The following DCC variants were observed in gnomAD, a reference collection of about 807,000 sequenced individuals.
DCC encodes the protein netrin receptor DCC.
DCC carries 58 observed loss-of-function variants against 172.5 expected under a neutral mutation model. The observed-to-expected ratio is 0.34, with a 90% CI of 0.27 to 0.42. The LOEUF (loss-of-function observed/expected upper bound fraction) is 0.42, where lower values mean the gene tolerates loss of function less well. Among genes scored for constraint, DCC ranks in the 10% least tolerant of loss-of-function variants. DCC has a pLI of 1.00. For missense variants in DCC, 1,740 were observed against 1,791.0 expected, an observed-to-expected ratio of 0.97 and a Z score of 0.51; for synonymous variants, 709 against 644.5, an observed-to-expected ratio of 1.10 and a Z score of -1.52.
At chr18:53,079,152 C>T (rs1471960088) in intron 7 of DCC, among the ~76,000 whole-genome samples, 1 of 152,102 alleles carries the variant, frequency 6.6e-6, no homozygotes, top group East Asian at 1.9e-4. Context: ...TAGCTTATTT[C>T]ATATTCCTCC....
At chr18:52,614,687 G>T (rs1177032462) in intron 1 of DCC, among the ~76,000 whole-genome samples, 5 of 152,024 alleles carry the variant, frequency 3.3e-5, no homozygotes, top group Non-Finnish European at 7.4e-5. Flanking sequence ...CATTTTCCCT[G>T]TCAATAATAA....
At chr18:53,385,527 G>T (rs754290854) in intron 15 of DCC, among the ~76,000 whole-genome samples, 12 of 152,114 alleles carry the variant, frequency 7.9e-5, no homozygotes, top group Non-Finnish European at 1.6e-4. Flanking sequence ...TTCACAGGAG[G>T]TTGTCCCCAG....
Position 53,253,568 on chromosome 18 carries a change from A to G in DCC, c.1911+37971A>G, listed in dbSNP as rs181551872. ...AGACCAGTTTGGTCTCATTATAACA[A>G]TACTCTTTATTAATATTGCCCTTCT... On this transcript the variant is annotated intron_variant, in intron 12 of 28. Transcript: ENST00000442544. 3.0e-3 allele frequency among the ~76,000 whole-genome samples: 449 copies of G among 152,178 alleles called. 4 individuals carry two copies. Among genetic ancestry groups the G allele is most frequent in the Admixed American group, 0.022 (333 of 15,258 alleles).
At chr18:52,824,543 AAAATT>A (rs1337792342) in intron 2 of DCC, among the ~76,000 whole-genome samples, 1 of 152,228 alleles carries the variant, frequency 6.6e-6, no homozygotes, top group Non-Finnish European at 1.5e-5. Flanking sequence ...ATTTCAAAAA[AAAATT>A]AGAGAATTTC....
intron 8 of DCC, among the ~76,000 whole-genome samples, chr18:53,162,630 G>T (rs868048312): frequency 1.5e-4 from 23 of 152,086 alleles, no homozygotes; most frequent in Middle Eastern, 3.4e-3. Flanking sequence ...AGATCTTTGC[G>T]CTTGCTCTTC....
chr18:52,468,286 G>A (rs1226672061), intron 1 of DCC, among the ~76,000 whole-genome samples: 2 of 152,198 alleles, frequency 1.3e-5, no homozygotes, highest in African/African-American at 4.8e-5. Flanking sequence ...ATGGGGAAGC[G>A]AGATGATGTA....
chr18:52,827,541 C>G (rs1243255131), intron 2 of DCC, among the ~76,000 whole-genome samples: 1 of 152,190 alleles, frequency 6.6e-6, no homozygotes, highest in Non-Finnish European at 1.5e-5. Context: ...AGCACATGCT[C>G]TTTTCAGTAG....
At chr18:53,427,437 T>C (rs1911045027) in intron 21 of DCC, among the ~76,000 whole-genome samples, 1 of 152,100 alleles carries the variant, frequency 6.6e-6, no homozygotes, top group South Asian at 2.1e-4. Flanking sequence ...TGTTATTCAG[T>C]TGTTTCATTC....
At chr18:52,906,476 G>A in intron 3 of DCC, 148 bp downstream of exon 3, 3 of 884,506 alleles carry the variant, frequency 3.4e-6, no homozygotes, top group Non-Finnish European at 1.7e-6. Context: ...CCTTGCCGAA[G>A]CATTCAATCA....
intron 16 of DCC, among the ~76,000 whole-genome samples, chr18:53,387,827 C>T (rs1259335266): frequency 2.6e-5 from 4 of 152,142 alleles, no homozygotes; most frequent in Non-Finnish European, 5.9e-5. Flanking sequence ...ATACTACAGT[C>T]GGTCTTTTCA....
intron 20 of DCC, 48 bp from the exon 21 acceptor site, chr18:53,416,076 G>T (rs541170512): frequency 1.9e-5 from 28 of 1,448,836 alleles, no homozygotes; most frequent in Middle Eastern, 3.7e-4. Context: ...CAGCTTTCTT[G>T]CTAGGAACTG....
chr18:53,094,571 G>A (rs569299808), intron 7 of DCC, among the ~76,000 whole-genome samples: 26 of 152,280 alleles, frequency 1.7e-4, no homozygotes, highest in African/African-American at 6.3e-4. Flanking sequence ...TAAGCTGAAA[G>A]CTAAACTTCT....
intron 2 of DCC, among the ~76,000 whole-genome samples, chr18:52,847,883 A>G (rs1426020003): frequency 6.6e-6 from 1 of 152,178 alleles, no homozygotes; most frequent in African/African-American, 2.4e-5. Flanking sequence ...TCTCATCTGT[A>G]AAATATGAGT....
chr18:53,505,944 A>T (rs1387149642), intron 27 of DCC, among the ~76,000 whole-genome samples: 1 of 152,220 alleles, frequency 6.6e-6, no homozygotes, highest in East Asian at 1.9e-4. Context: ...TTGAAAATAA[A>T]GCATCTTTTT....
chr18:52,569,102 A>T (rs1456266501), intron 1 of DCC, among the ~76,000 whole-genome samples: 1 of 152,198 alleles, frequency 6.6e-6, no homozygotes, highest in African/African-American at 2.4e-5. Flanking sequence ...AACAAGATAG[A>T]TCATAACAGG....
At chr18:52,372,089 G>C (rs539999172) in intron 1 of DCC, among the ~76,000 whole-genome samples, 1 of 152,320 alleles carries the variant, frequency 6.6e-6, no homozygotes, top group Non-Finnish European at 1.5e-5. Flanking sequence ...CAAGTTCTCA[G>C]GTTCTGAGCC....
intron 2 of DCC, among the ~76,000 whole-genome samples, chr18:52,896,419 C>G (rs2039730483): frequency 2.0e-5 from 3 of 152,134 alleles, no homozygotes; most frequent in Admixed American, 6.5e-5. Context: ...AAGATGACAG[C>G]AGAGCTAAGA....
chr18:53,521,737 T>C (rs1021095768), intron 27 of DCC, among the ~76,000 whole-genome samples: 5 of 152,126 alleles, frequency 3.3e-5, no homozygotes, highest in African/African-American at 9.7e-5. Context: ...ACATATTAAA[T>C]TGTAAATTTT....
intron 1 of DCC, among the ~76,000 whole-genome samples, chr18:52,677,503 A>G (rs995721245): frequency 1.3e-5 from 2 of 151,582 alleles, no homozygotes; most frequent in Non-Finnish European, 2.9e-5. Context: ...ATTTTTTATT[A>G]TTATTGTTTC....
Sources: allele counts gnomAD v4.1 joint callset (sites outside exome capture counted in the v4.1 genomes callset), GRCh38; gene constraint gnomAD v4.1.1; transcripts MANE v1.5; gene names NCBI Gene and HGNC (gene_info 2026-07-23, HGNC 2026-07-21).